PDCD11: variants seen among roughly 807,000 people sequenced by gnomAD.
PDCD11 encodes programmed cell death 11, also known as protein RRP5 homolog.
Under a neutral mutation model 198.9 loss-of-function variants are expected in PDCD11, and 97 were observed. The observed-to-expected ratio is 0.49, with a 90% CI of 0.41 to 0.58. PDCD11 has a LOEUF of 0.58. Ranked by LOEUF, PDCD11 falls within the 20% of genes least tolerant of loss-of-function variation. The probability of loss-of-function intolerance (pLI) is 0.00; values close to 1 mark genes in which losing one functional copy is unlikely to be tolerated. For missense variants in PDCD11, 2,102 were observed against 2,312.7 expected (o/e 0.91, Z 1.87); for synonymous variants, 893 against 918.0 (o/e 0.97, Z 0.49).
In PDCD11 at chr10:103,440,543, C is replaced by T. The variant is rs374969969; in HGVS notation, c.4402C>T (p.Arg1468Trp). ...GCCCCAGAAGCCACAGGCGCAGAAG[C>T]GGGGCGGGCGGGAGTGCCGGGAGTC... The part of the protein sequence containing the change: ...QQPQKPQAQK[R>W]GGRECRESGS... Residue 1468 changes from arginine (R) to tryptophan (W), a missense_variant, in exon 29 of 36, where the codon CGG becomes TGG. Physicochemically the swap from Arg to Trp is moderately radical, Grantham distance 101. Coordinates refer to ENST00000369797, the MANE Select transcript of PDCD11 (RefSeq NM_014976.2). 2.6e-5 allele frequency: 42 copies of T among 1,612,480 alleles called. No individual in the cohort carries two copies. Among genetic ancestry groups the T allele is most frequent in the East Asian group, 2.5e-4 (11 of 44,886 alleles).
chr10:103,413,875 A>G (rs987937545), intron 9 of PDCD11, 91 bp from the exon 10 acceptor site: 4 of 1,232,546 alleles, frequency 3.2e-6, no homozygotes, highest in South Asian at 1.7e-5. Flanking sequence ...ATGGTACATG[A>G]TAAGTGTTGA....
At chr10:103,438,925 TTA>T in intron 27 of PDCD11, 117 bp downstream of exon 27, 2 of 1,016,800 alleles carry the variant, frequency 2.0e-6, no homozygotes, top group Non-Finnish European at 2.9e-6. Context: ...GGAGGAGAGT[TTA>T]TGAGTCCCCA....
intron 30 of PDCD11, 107 bp from the exon 31 acceptor site, chr10:103,441,719 G>GAGGT (rs2032390597): frequency 1.0e-6 from 1 of 985,650 alleles, no homozygotes; most frequent in Non-Finnish European, 1.6e-6. Context: ...GGAGAGGAGG[G>GAGGT]GTCTCTGGGC....
At chr10:103,439,103 G>A (rs1034826291) in intron 27 of PDCD11, among the ~76,000 whole-genome samples, 6 of 152,148 alleles carry the variant, frequency 3.9e-5, no homozygotes, top group African/African-American at 1.4e-4. Flanking sequence ...TTGAGAGGCC[G>A]AGATGAGAGA....
Position 103,416,549 on chromosome 10 carries a change from T to C in PDCD11, c.1577T>C (p.Ile526Thr), listed in dbSNP as rs1349316074. 1.2e-6 allele frequency: 2 copies of C among 1,614,180 alleles called. No individual in the cohort carries two copies. Among genetic ancestry groups the C allele is most frequent in the Admixed American group, 1.7e-5 (1 of 60,022 alleles). ...ATGATGACCCTGAAAAAAACCCTGA[T>C]TGAGTCCAAACTACCTGTCATTACC... is the stretch of plus-strand genomic sequence containing the variant. ...KLMMTLKKTL[I>T]ESKLPVITCY... Residue 526 changes from isoleucine to threonine, a missense_variant, in exon 13 of 36, where the codon ATT (isoleucine) becomes ACT (threonine). Transcript: ENST00000369797.
At chr10:103,406,165 T>C (rs1367044998) in intron 6 of PDCD11, 57 bp downstream of exon 6, 2 of 1,585,114 alleles carry the variant, frequency 1.3e-6, no homozygotes, top group Non-Finnish European at 1.7e-6. Flanking sequence ...GTGGGGATTA[T>C]ATTTAAGTGC....
intron 13 of PDCD11, 148 bp downstream of exon 13, chr10:103,416,890 C>A (rs943999129): frequency 1.1e-6 from 1 of 897,880 alleles, no homozygotes. Flanking sequence ...ATGGAGGAGA[C>A]GGGGAACAGA....
chr10:103,414,258 T>C lies in PDCD11; in HGVS notation c.1311-12T>C. The C allele has an allele frequency of 6.2e-7, 1 of 1,612,172 alleles. No individual in the cohort carries two copies. The highest frequency in any genetic ancestry group is 8.5e-7 in the Non-Finnish European group (1 of 1,178,422). On this transcript the variant is annotated splice_polypyrimidine_tract_variant and intron_variant, in intron 10 of 35. Coordinates refer to ENST00000369797, the MANE Select transcript of PDCD11 (RefSeq NM_014976.2). ...CTAGTTTATTTAATTCTGTGTTTTC[T>C]CCTTGTCCTAGGTCTATTATTGAAG...
chr10:103,428,591 C>G (rs1466137042), intron 21 of PDCD11, among the ~76,000 whole-genome samples: 2 of 151,962 alleles, frequency 1.3e-5, no homozygotes, highest in Non-Finnish European at 2.9e-5. Flanking sequence ...TTAATTAAAC[C>G]CTTAATTAGG....
chr10:103,438,311 C>T (rs932854218), intron 26 of PDCD11, among the ~76,000 whole-genome samples: 2 of 152,186 alleles, frequency 1.3e-5, no homozygotes, highest in African/African-American at 4.8e-5. Flanking sequence ...TCCAAGGTTG[C>T]AGATGGTAGT....
At chr10:103,418,845 G>A (rs2031264336) in intron 15 of PDCD11, among the ~76,000 whole-genome samples, 1 of 152,182 alleles carries the variant, frequency 6.6e-6, no homozygotes, top group African/African-American at 2.4e-5. Flanking sequence ...AGCCTGAAAG[G>A]TTGCAGAGAG....
In PDCD11 at chr10:103,406,135, A is replaced by C. The variant is rs761379624; in HGVS notation, c.688+27A>C. On this transcript the variant is annotated intron_variant, in intron 6 of 35. Coordinates refer to ENST00000369797, the MANE Select transcript of PDCD11 (RefSeq NM_014976.2). The stretch of plus-strand genomic sequence containing the variant: ...TGAGGGCAAGAAAAGGGGCCAGTAC[A>C]TGGTGGTGAGGTGGTACATGTGGGG... The C allele has an allele frequency of 3.1e-6, 5 of 1,611,944 alleles. No homozygotes were observed. In the East Asian group the frequency reaches 1.1e-4, roughly 36 times the overall value.
chr10:103,438,373 G>A (rs915091882), intron 26 of PDCD11, among the ~76,000 whole-genome samples: 5 of 152,144 alleles, frequency 3.3e-5, no homozygotes, highest in South Asian at 2.1e-4. Flanking sequence ...AGGGGTGAGC[G>A]TGCCATGTAT....
At position 103,398,431 on chromosome 10, in the gene PDCD11, C is replaced by T. The variant is rs560438483; in HGVS notation, c.5C>T (p.Ala2Val). The T allele has an allele frequency of 2.1e-5, 34 of 1,612,210 alleles. No homozygotes were observed. Among genetic ancestry groups the T allele is most frequent in the Non-Finnish European group, 2.7e-5 (32 of 1,178,362 alleles). The change falls in exon 2 of 36, where the codon GCA becomes GTA. Residue 2 changes from alanine (A) to valine (V), a missense_variant. Transcript: ENST00000369797. ...TTGTTTTTAGGAGACCCAAACATGGCAAACCTGGAAGAAAGCTTCCCCCGA... is the reference window on the plus strand; with the variant it reads ...TTGTTTTTAGGAGACCCAAACATGGTAAACCTGGAAGAAAGCTTCCCCCGA... The part of the protein sequence containing the change: M[A>V]NLEESFPRGG...
intron 3 of PDCD11, among the ~76,000 whole-genome samples, chr10:103,400,932 T>C (rs1441057614): frequency 6.6e-6 from 1 of 152,142 alleles, no homozygotes; most frequent in Non-Finnish European, 1.5e-5. Context: ...TTTTTAAATC[T>C]TTTGTAGGGC....
chr10:103,418,438 A>G lies in PDCD11; in HGVS notation c.1912-2A>G. 1 of 1,611,564 alleles carries G rather than the reference A, an allele frequency of 6.2e-7. No homozygotes were observed. The highest frequency in any genetic ancestry group is 8.5e-7 in the Non-Finnish European group (1 of 1,178,134). ...ATTTTTGTCTTTCTCTTCCCTGGGT[A>G]GTTGGTAGATGTGAAGGTTTTAGAG... On this transcript the variant is annotated splice_acceptor_variant, in intron 14 of 35. Transcript: ENST00000369797. LOFTEE classifies it high-confidence loss of function.
chr10:103,405,990 T>C lies in PDCD11; in HGVS notation c.570T>C (p.Leu190=). 6.2e-7 allele frequency: 1 copy of C among 1,613,984 alleles called. No individual in the cohort carries two copies. Among genetic ancestry groups the C allele is most frequent in the Non-Finnish European group, 8.5e-7 (1 of 1,179,898 alleles). ...SAEALKPGML[L]TGTVSSLEDH... is the part of the protein sequence containing the mutation. ...GACTACTTTCTCTTCCCCAGCTACT[T>C]ACAGGTACCGTATCCAGCCTGGAAG... Residue 190 remains leucine (L), a synonymous_variant, in exon 6 of 36, where the codon CTT becomes CTC. Transcript: ENST00000369797.
At chr10:103,442,085 C>T (rs939702427) in intron 31 of PDCD11, 110 bp downstream of exon 31, 11 of 1,535,846 alleles carry the variant, frequency 7.2e-6, no homozygotes, top group South Asian at 1.2e-5. Flanking sequence ...GAGGGGGCAG[C>T]GGCCAGTCCC....
In PDCD11 at chr10:103,418,663, A is replaced by G. The variant is rs756160164; in HGVS notation, c.2106+29A>G. ...TCCTTGACTGGTATCTGTGGAGCAGAGGAAGGTGGGGGGCCATGGGTGCTT... is the reference window on the plus strand; with the variant it reads ...TCCTTGACTGGTATCTGTGGAGCAGGGGAAGGTGGGGGGCCATGGGTGCTT... On this transcript the variant is annotated intron_variant, in intron 15 of 35. Coordinates refer to ENST00000369797, the MANE Select transcript of PDCD11 (RefSeq NM_014976.2). 6 of 1,591,802 alleles carry G rather than the reference A, an allele frequency of 3.8e-6. No individual in the cohort carries two copies. The Admixed American group carries it at 8.5e-5, about 22-fold the overall frequency.
Sources: allele counts gnomAD v4.1 joint callset (sites outside exome capture counted in the v4.1 genomes callset), GRCh38; gene constraint gnomAD v4.1.1; transcripts MANE v1.5; gene names NCBI Gene and HGNC (gene_info 2026-07-23, HGNC 2026-07-21).